Variants in FBXL17 observed in about 807,000 individuals in gnomAD.
FBXL17 encodes F-box/LRR-repeat protein 17.
In FBXL17, 22 loss-of-function variants were observed where a neutral mutation model predicts 66.2. The ratio of observed to expected loss-of-function variants is 0.33; its 90% CI spans 0.24 to 0.47. FBXL17 has a LOEUF of 0.47. Among genes scored for constraint, FBXL17 ranks in the 20% least tolerant of loss-of-function variants. FBXL17 has a pLI of 1.00. For synonymous variants in FBXL17, 474 were observed against 400.5 expected (o/e 1.18, Z -2.19); for missense variants, 878 against 948.2 (o/e 0.93, Z 0.97).
chr5:108,199,175 G>A (rs1472234641), intron 5 of FBXL17, among the ~76,000 whole-genome samples: 2 of 151,950 alleles, frequency 1.3e-5, no homozygotes, highest in East Asian at 3.9e-4. Context: ...CATACTTTGG[G>A]TCACTTATAA....
chr5:108,018,991 A>G (rs916725103), intron 7 of FBXL17, among the ~76,000 whole-genome samples: 38 of 152,314 alleles, frequency 2.5e-4, no homozygotes, highest in African/African-American at 8.9e-4. Context: ...ATTCAGAGAC[A>G]CAAATAAATG....
rs369369221 is a variant in FBXL17 at position 107,879,244 on chromosome 5, A to C, written c.1965+1793T>G. On this transcript the variant is annotated intron_variant, in intron 8 of 8. Transcript: ENST00000542267. ...AATGGCTGCGGACACATATGTATGAATGTGTACATTTTGGTAGCTTTAGTT... is the reference window on the plus strand; with the variant it reads ...AATGGCTGCGGACACATATGTATGACTGTGTACATTTTGGTAGCTTTAGTT... 13 of 985,478 alleles carry C rather than the reference A, an allele frequency of 1.3e-5. No homozygotes were observed. In the East Asian group the frequency reaches 1.4e-3, roughly 103 times the overall value. 61.0% of individuals were successfully genotyped at this position (985,478 alleles called of 1,614,324 possible).
intron 7 of FBXL17, among the ~76,000 whole-genome samples, chr5:107,920,802 A>T (rs1750294619): frequency 6.6e-6 from 1 of 152,172 alleles, no homozygotes; most frequent in Non-Finnish European, 1.5e-5. Flanking sequence ...GACAGGTTTA[A>T]TGTTCACCAA....
chr5:108,126,905 A>G (rs1750739157), intron 6 of FBXL17, among the ~76,000 whole-genome samples: 1 of 151,952 alleles, frequency 6.6e-6, no homozygotes, highest in African/African-American at 2.4e-5. Flanking sequence ...TAAAAGTAAA[A>G]GCAAAAATAA....
chr5:108,122,087 A>G (rs1348765420), intron 6 of FBXL17, among the ~76,000 whole-genome samples: 1 of 152,176 alleles, frequency 6.6e-6, no homozygotes, highest in African/African-American at 2.4e-5. Flanking sequence ...GTTATAAACC[A>G]CATTTTGAAA....
At chr5:107,950,425 A>G (rs1333740015) in intron 7 of FBXL17, among the ~76,000 whole-genome samples, 1 of 152,244 alleles carries the variant, frequency 6.6e-6, no homozygotes, top group Non-Finnish European at 1.5e-5. Flanking sequence ...TAGAATAATC[A>G]TTATATAATA....
intron 7 of FBXL17, among the ~76,000 whole-genome samples, chr5:107,987,072 T>C (rs888273024): frequency 6.6e-6 from 1 of 151,996 alleles, no homozygotes; most frequent in Non-Finnish European, 1.5e-5. Flanking sequence ...ATGGCATTTA[T>C]GAAAGAATGG....
chr5:107,968,210 C>CT (rs1046824868), intron 7 of FBXL17, among the ~76,000 whole-genome samples: 13 of 151,982 alleles, frequency 8.6e-5, no homozygotes, highest in Non-Finnish European at 1.9e-4. Context: ...ATGAAGAGCT[C>CT]TTTTTTTCAG....
intron 6 of FBXL17, among the ~76,000 whole-genome samples, chr5:108,134,080 A>T (rs546900485): frequency 6.6e-6 from 1 of 152,272 alleles, no homozygotes; most frequent in Admixed American, 6.5e-5. Flanking sequence ...AAAGCCCAAA[A>T]ATCTAGCTTC....
At chr5:108,347,540 G>T (rs909418209) in intron 4 of FBXL17, among the ~76,000 whole-genome samples, 1 of 152,088 alleles carries the variant, frequency 6.6e-6, no homozygotes, top group Admixed American at 6.5e-5. Context: ...TGATAAACAC[G>T]AATGAGCCTT....
chr5:107,983,311 C>T (rs371614626), intron 7 of FBXL17, among the ~76,000 whole-genome samples: 52 of 152,118 alleles, frequency 3.4e-4, no homozygotes, highest in African/African-American at 1.1e-3. Flanking sequence ...CCTGCCTTGG[C>T]GTCCTGAGTA....
intron 4 of FBXL17, among the ~76,000 whole-genome samples, chr5:108,250,669 A>G (rs1221721418): frequency 6.6e-6 from 1 of 152,156 alleles, no homozygotes; most frequent in Non-Finnish European, 1.5e-5. Context: ...TAGAATATAT[A>G]AAAAGTACTG....
intron 4 of FBXL17, among the ~76,000 whole-genome samples, chr5:108,290,042 G>C (rs1025374363): frequency 1.3e-5 from 2 of 152,140 alleles, no homozygotes. Context: ...GATATTTTTA[G>C]TGGAGACACT....
chr5:108,028,404 C>T (rs1397193694), intron 6 of FBXL17, among the ~76,000 whole-genome samples: 3 of 152,038 alleles, frequency 2.0e-5, no homozygotes, highest in African/African-American at 7.2e-5. Context: ...ATATGAAAGT[C>T]TCAGTTCAAC....
chr5:108,311,456 G>C (rs1580794060), intron 4 of FBXL17, among the ~76,000 whole-genome samples: 1 of 152,146 alleles, frequency 6.6e-6, no homozygotes, highest in Non-Finnish European at 1.5e-5. Flanking sequence ...ACAGATGTGA[G>C]CTGCCACACC....
chr5:108,017,780 G>A (rs1292306408), intron 7 of FBXL17, among the ~76,000 whole-genome samples: 1 of 152,044 alleles, frequency 6.6e-6, no homozygotes, highest in East Asian at 1.9e-4. Context: ...TTTCTATTTA[G>A]CTGTGTCTGA....
chr5:108,349,112 G>C (rs1747480366), intron 3 of FBXL17, among the ~76,000 whole-genome samples: 1 of 152,032 alleles, frequency 6.6e-6, no homozygotes, highest in African/African-American at 2.4e-5. Context: ...AGCCTCTCTT[G>C]AGTCTTAATA....
chr5:107,872,719 C>G (rs968500855), intron 8 of FBXL17, among the ~76,000 whole-genome samples: 1 of 152,182 alleles, frequency 6.6e-6, no homozygotes, highest in Non-Finnish European at 1.5e-5. Context: ...AAATTCACCA[C>G]CACAACAAGA....
chr5:107,948,272 T>C (rs192786312), intron 7 of FBXL17, among the ~76,000 whole-genome samples: 2 of 152,354 alleles, frequency 1.3e-5, no homozygotes, highest in East Asian at 1.9e-4. Context: ...TTACCTATCA[T>C]AACCATGTAA....
Sources: allele counts gnomAD v4.1 joint callset (sites outside exome capture counted in the v4.1 genomes callset), GRCh38; gene constraint gnomAD v4.1.1; transcripts MANE v1.5; gene names NCBI Gene and HGNC (gene_info 2026-07-23, HGNC 2026-07-21).